FAM110B: variants seen among roughly 807,000 people sequenced by gnomAD.
The protein encoded by FAM110B is family with sequence similarity 110 member B.
A neutral mutation model predicts 20.4 loss-of-function variants in FAM110B; 6 were observed. The observed-to-expected ratio is 0.29, with a 90% CI of 0.16 to 0.58. The LOEUF (loss-of-function observed/expected upper bound fraction) is 0.58, where lower values mean the gene tolerates loss of function less well. FAM110B is among the 20% of genes least tolerant of loss of function. FAM110B has a pLI of 0.90. For synonymous variants in FAM110B, 226 were observed against 214.1 expected, an observed-to-expected ratio of 1.06 and a Z score of -0.49; for missense variants, 434 against 498.2, an observed-to-expected ratio of 0.87 and a Z score of 1.23.
intron 3 of FAM110B, among the ~76,000 whole-genome samples, chr8:58,095,229 G>A (rs575621626): frequency 1.3e-4 from 19 of 151,974 alleles, no homozygotes; most frequent in South Asian, 8.3e-4. Context: ...AGGGTTTTTC[G>A]TGCCTCTGTC....
intron 3 of FAM110B, among the ~76,000 whole-genome samples, chr8:58,123,348 C>G (rs1261270328): frequency 6.6e-6 from 1 of 152,186 alleles, no homozygotes; most frequent in Non-Finnish European, 1.5e-5. Flanking sequence ...TCACTTCTCC[C>G]TGGGATCTTC....
chr8:58,024,593 T>C (rs1466525080), intron 1 of FAM110B, among the ~76,000 whole-genome samples: 7 of 152,236 alleles, frequency 4.6e-5, no homozygotes, highest in Non-Finnish European at 7.3e-5. Context: ...TTATGAATAA[T>C]AGTGGCCAGG....
chr8:58,051,709 A>T (rs1023515453), intron 2 of FAM110B, among the ~76,000 whole-genome samples: 1 of 152,226 alleles, frequency 6.6e-6, no homozygotes, highest in African/African-American at 2.4e-5. Flanking sequence ...TAAAGCAGGG[A>T]TGGAGATAGA....
chr8:58,011,950 C>G (rs1352359937), intron 1 of FAM110B, among the ~76,000 whole-genome samples: 1 of 152,198 alleles, frequency 6.6e-6, no homozygotes, highest in Non-Finnish European at 1.5e-5. Context: ...CTGTCACAGG[C>G]TCTGCTTCAG....
chr8:58,022,680 A>G (rs1804779601), intron 1 of FAM110B, among the ~76,000 whole-genome samples: 1 of 152,212 alleles, frequency 6.6e-6, no homozygotes. Flanking sequence ...AGCAGAAAAC[A>G]TGAGTATTGA....
At chr8:58,015,855 A>G (rs987738022) in intron 1 of FAM110B, among the ~76,000 whole-genome samples, 4 of 151,886 alleles carry the variant, frequency 2.6e-5, no homozygotes, top group Admixed American at 6.5e-5. Flanking sequence ...AAAAAAAAAA[A>G]AAAAAGAAAA....
At chr8:58,081,558 GTTTC>G (rs1806191757) in intron 3 of FAM110B, among the ~76,000 whole-genome samples, 1 of 152,088 alleles carries the variant, frequency 6.6e-6, no homozygotes, top group Admixed American at 6.5e-5. Context: ...CTGAAACGTT[GTTTC>G]TCCCAGTTAT....
At chr8:58,058,950 T>A (rs1420868423) in intron 2 of FAM110B, among the ~76,000 whole-genome samples, 5 of 152,174 alleles carry the variant, frequency 3.3e-5, no homozygotes, top group Non-Finnish European at 7.4e-5. Context: ...CTCTTGCCAC[T>A]TTTCAGTTTT....
intron 3 of FAM110B, among the ~76,000 whole-genome samples, chr8:58,082,692 G>T (rs190258335): frequency 6.6e-6 from 1 of 152,024 alleles, no homozygotes; most frequent in African/African-American, 2.4e-5. Flanking sequence ...AGAAATGTTT[G>T]TGGGGCTGGG....
intron 2 of FAM110B, among the ~76,000 whole-genome samples, chr8:58,059,112 C>T (rs757970733): frequency 9.2e-5 from 14 of 152,160 alleles, no homozygotes; most frequent in Non-Finnish European, 1.5e-4. Context: ...CCTCTTATAT[C>T]AGTAGGATTG....
intron 2 of FAM110B, among the ~76,000 whole-genome samples, chr8:58,053,827 A>G (rs753895268): frequency 3.9e-5 from 6 of 152,182 alleles, no homozygotes; most frequent in Non-Finnish European, 8.8e-5. Context: ...TTTGTTTGGT[A>G]TACTGTATTA....
intron 1 of FAM110B, among the ~76,000 whole-genome samples, chr8:58,017,679 C>A (rs1474738692): frequency 6.6e-6 from 1 of 152,172 alleles, no homozygotes; most frequent in East Asian, 1.9e-4. Context: ...TTTTCAAAGT[C>A]TCTAAAAAAT....
At chr8:58,083,790 T>G (rs1187119120) in intron 3 of FAM110B, among the ~76,000 whole-genome samples, 1 of 152,192 alleles carries the variant, frequency 6.6e-6, no homozygotes, top group Non-Finnish European at 1.5e-5. Flanking sequence ...AAATGGGGAT[T>G]AAGAACCTTT....
intron 2 of FAM110B, among the ~76,000 whole-genome samples, chr8:58,054,917 C>CT (rs35340264): frequency 0.33 from 49,847 of 150,842 alleles, 9,078 homozygotes; most frequent in Non-Finnish European, 0.42. Context: ...TATTTTTCTT[C>CT]TTTTTTTTTA....
At chr8:57,997,913 A>G (rs908780066) in intron 1 of FAM110B, among the ~76,000 whole-genome samples, 1 of 152,210 alleles carries the variant, frequency 6.6e-6, no homozygotes, top group Non-Finnish European at 1.5e-5. Context: ...AGTGAAGGGA[A>G]GTGACTTATC....
At chr8:58,063,694 A>G (rs1805702576) in intron 2 of FAM110B, among the ~76,000 whole-genome samples, 2 of 152,170 alleles carry the variant, frequency 1.3e-5, no homozygotes, top group African/African-American at 2.4e-5. Context: ...TTTATAACTT[A>G]CCTAATATTC....
intron 1 of FAM110B, among the ~76,000 whole-genome samples, chr8:57,999,789 C>G: frequency 6.6e-6 from 1 of 151,892 alleles, no homozygotes; most frequent in South Asian, 2.1e-4. Context: ...TAAGTGCAGT[C>G]GAGAATGGGG....
chr8:58,010,773 C>T (rs994101067), intron 1 of FAM110B, among the ~76,000 whole-genome samples: 2 of 152,220 alleles, frequency 1.3e-5, no homozygotes, highest in African/African-American at 4.8e-5. Flanking sequence ...TTTCTAACTC[C>T]TGCCATAAAG....
At chr8:58,085,227 A>G (rs1268974478) in intron 3 of FAM110B, among the ~76,000 whole-genome samples, 3 of 152,196 alleles carry the variant, frequency 2.0e-5, no homozygotes, top group African/African-American at 7.2e-5. Flanking sequence ...GCTGATGCAC[A>G]TGTAGGCAGG....
Sources: allele counts gnomAD v4.1 joint callset (sites outside exome capture counted in the v4.1 genomes callset), GRCh38; gene constraint gnomAD v4.1.1; transcripts MANE v1.5; gene names NCBI Gene and HGNC (gene_info 2026-07-23, HGNC 2026-07-21).